The following GRM5 variants were observed in gnomAD, a reference collection of about 807,000 sequenced individuals.
GRM5 encodes the protein metabotropic glutamate receptor 5.
A neutral mutation model predicts 83.1 loss-of-function variants in GRM5; 19 were observed. The observed-to-expected ratio is 0.23, with a 90% CI of 0.16 to 0.34. The LOEUF is 0.34. Ranked by LOEUF, GRM5 falls within the 10% of genes least tolerant of loss-of-function variation. The pLI is 1.00. For synonymous variants in GRM5, 675 were observed against 633.6 expected (o/e 1.07, Z -0.98); for missense variants, 1,160 against 1,588.3 (o/e 0.73, Z 4.58).
At chr11:88,940,836 G>C (rs1938065726) in intron 2 of GRM5, among the ~76,000 whole-genome samples, 1 of 151,888 alleles carries the variant, frequency 6.6e-6, no homozygotes, top group Non-Finnish European at 1.5e-5. Context: ...ATTCACTATA[G>C]AAACAGAGAA....
At chr11:88,665,010 T>A (rs1239156495) in intron 3 of GRM5, among the ~76,000 whole-genome samples, 1 of 152,134 alleles carries the variant, frequency 6.6e-6, no homozygotes, top group African/African-American at 2.4e-5. Context: ...GCAAGCAAAT[T>A]GCCCAGGGTT....
intron 2 of GRM5, among the ~76,000 whole-genome samples, chr11:88,923,752 TCA>T (rs1945734540): frequency 6.6e-6 from 1 of 151,904 alleles, no homozygotes; most frequent in Admixed American, 6.6e-5. Context: ...GATGAATATC[TCA>T]TTTACTCTGA....
intron 8 of GRM5, among the ~76,000 whole-genome samples, chr11:88,551,706 A>G (rs1051765450): frequency 1.3e-5 from 2 of 152,104 alleles, no homozygotes; most frequent in African/African-American, 2.4e-5. Context: ...CCCTCTCCAC[A>G]CTTCAGTGTC....
chr11:88,969,341 C>A (rs1939093849), intron 2 of GRM5, among the ~76,000 whole-genome samples: 1 of 151,918 alleles, frequency 6.6e-6, no homozygotes, highest in Non-Finnish European at 1.5e-5. Context: ...TATTTTTATA[C>A]CCCAAACTAA....
chr11:89,055,429 C>A (rs1289049992), intron 1 of GRM5, among the ~76,000 whole-genome samples: 6 of 152,144 alleles, frequency 3.9e-5, no homozygotes, highest in Non-Finnish European at 5.9e-5. Context: ...GCTCACATGG[C>A]AATTTATTTA....
chr11:88,705,987 T>C (rs1012853811), intron 3 of GRM5, among the ~76,000 whole-genome samples: 4 of 152,038 alleles, frequency 2.6e-5, no homozygotes, highest in Non-Finnish European at 5.9e-5. Context: ...AGTGTTAGAT[T>C]ATCACTATTC....
chr11:88,514,860 A>G (rs1941480444), intron 9 of GRM5, among the ~76,000 whole-genome samples: 2 of 152,130 alleles, frequency 1.3e-5, no homozygotes, highest in South Asian at 2.1e-4. Context: ...GCATATATGG[A>G]AAGGAAACTA....
At chr11:88,853,063 T>C (rs1944414698) in intron 2 of GRM5, among the ~76,000 whole-genome samples, 1 of 152,126 alleles carries the variant, frequency 6.6e-6, no homozygotes, top group South Asian at 2.1e-4. Flanking sequence ...GAAACTAACA[T>C]GTGACTTCAT....
chr11:88,509,948 C>T (rs1390614130), intron 9 of GRM5, among the ~76,000 whole-genome samples: 1 of 152,012 alleles, frequency 6.6e-6, no homozygotes, highest in Non-Finnish European at 1.5e-5. Flanking sequence ...CCAAACTCAC[C>T]AACAATCATC....
intron 3 of GRM5, among the ~76,000 whole-genome samples, chr11:88,685,830 C>T (rs1288031614): frequency 1.3e-5 from 2 of 152,180 alleles, no homozygotes; most frequent in South Asian, 4.1e-4. Flanking sequence ...GTTTGGAAAC[C>T]TCTGTTTAGA....
intron 2 of GRM5, among the ~76,000 whole-genome samples, chr11:88,905,501 C>T (rs531550583): frequency 6.6e-6 from 1 of 152,146 alleles, no homozygotes; most frequent in African/African-American, 2.4e-5. Flanking sequence ...ATCATTACAC[C>T]TGGCTAATTT....
At chr11:88,836,188 A>G (rs1278616675) in intron 3 of GRM5, among the ~76,000 whole-genome samples, 1 of 152,252 alleles carries the variant, frequency 6.6e-6, no homozygotes, top group East Asian at 1.9e-4. Flanking sequence ...GTAAAGGGTC[A>G]GATAGTAAAT....
chr11:88,556,178 T>C (rs1385368131), intron 8 of GRM5, among the ~76,000 whole-genome samples: 2 of 152,056 alleles, frequency 1.3e-5, no homozygotes, highest in Non-Finnish European at 2.9e-5. Context: ...TCCATGTCAG[T>C]AGCATTCTAA....
At chr11:89,057,249 T>G (rs1394091858) in intron 1 of GRM5, among the ~76,000 whole-genome samples, 1 of 152,128 alleles carries the variant, frequency 6.6e-6, no homozygotes, top group Admixed American at 6.6e-5. Context: ...ATCTGATATA[T>G]TTTTCTGAAA....
Position 88,591,430 on chromosome 11 carries a change from T to C in GRM5, c.1564-703A>G, listed in dbSNP as rs139459166. Among the ~76,000 whole-genome samples, 407 of 152,310 alleles carry C rather than the reference T, an allele frequency of 2.7e-3. 1 individual carries two copies. Among genetic ancestry groups the C allele is most frequent in the African/African-American group, 8.8e-3 (364 of 41,576 alleles). On this transcript the variant is annotated intron_variant, in intron 6 of 9. Transcript: ENST00000305447. ...GTAATGGAAAATAATTGAAATAATT[T>C]AACAGTTGAAAGAGTCACAGATGTT...
chr11:88,831,911 T>C (rs1384148630), intron 3 of GRM5, among the ~76,000 whole-genome samples: 1 of 152,206 alleles, frequency 6.6e-6, no homozygotes, highest in African/African-American at 2.4e-5. Flanking sequence ...TCAGCTAGCC[T>C]GAGCCCGTTA....
At chr11:88,899,030 G>C (rs1945277454) in intron 2 of GRM5, among the ~76,000 whole-genome samples, 1 of 151,780 alleles carries the variant, frequency 6.6e-6, no homozygotes, top group African/African-American at 2.4e-5. Context: ...TTTGCTTTTG[G>C]TATGTGTTTG....
rs532990909 is a variant in GRM5, at chr11:89,047,092, T to C, written c.661+120A>G. 1.2e-5 allele frequency: 9 copies of C among 745,680 alleles called. No individual in the cohort carries two copies. In the South Asian group the frequency reaches 1.3e-4, roughly 11 times the overall value. 46.2% of individuals were successfully genotyped at this position (745,680 alleles called of 1,614,324 possible). On this transcript the variant is annotated intron_variant, in intron 2 of 9. Transcript: ENST00000305447. This position sits in a 1 kb window ranked among gnomAD's most constrained non-coding sequence, Gnocchi z 5.1. ...ATCCAGTCTGTTCTTATAGTACTGG[T>C]ATAACTCGGACAATTCAAAATATCC...
rs546149501 is a variant in GRM5, at chr11:88,881,227, A to C, written c.662-31072T>G. The stretch of plus-strand genomic sequence containing the variant: ...TAAAGGAATCCTCTTAAAAACTTTA[A>C]TTTTTAATGGATTTGAGACTTTAAA... On this transcript the variant is annotated intron_variant, in intron 2 of 9. Coordinates refer to ENST00000305447, the MANE Select transcript of GRM5 (RefSeq NM_001143831.3). 8.6e-5 allele frequency among the ~76,000 whole-genome samples: 13 copies of C among 152,046 alleles called. No individual in the cohort carries two copies. The East Asian group carries it at 2.5e-3, about 29-fold the overall frequency.
Sources: gnomAD v4.1 joint callset for allele counts (sites outside exome capture counted in the v4.1 genomes callset) on GRCh38, gnomAD v4.1.1 for gene constraint, Gnocchi (gnomAD v3.1) non-coding constraint, MANE v1.5 for transcripts, NCBI Gene and HGNC (gene_info 2026-07-23, HGNC 2026-07-21) for gene names.